TMEM132D: variants seen among roughly 807,000 people sequenced by gnomAD.
The protein encoded by TMEM132D is transmembrane protein 132D.
In TMEM132D, 21 loss-of-function variants were observed where a neutral mutation model predicts 62.3. That is an observed-to-expected ratio of 0.34 (90% CI 0.24 to 0.49). TMEM132D has a LOEUF of 0.49. TMEM132D is among the 20% of genes least tolerant of loss of function. The pLI is 0.99. For synonymous variants in TMEM132D, 621 were observed against 575.6 expected, an observed-to-expected ratio of 1.08 and a Z score of -1.13; for missense variants, 1,346 against 1,402.8, an observed-to-expected ratio of 0.96 and a Z score of 0.65.
At chr12:129,740,266 A>G (rs1229200277) in intron 1 of TMEM132D, among the ~76,000 whole-genome samples, 1 of 152,204 alleles carries the variant, frequency 6.6e-6, no homozygotes, top group East Asian at 1.9e-4. Flanking sequence ...AAAAGTGCAG[A>G]ATAATTTTGT....
At chr12:129,524,412 G>A (rs1454369472) in intron 3 of TMEM132D, among the ~76,000 whole-genome samples, 2 of 151,996 alleles carry the variant, frequency 1.3e-5, no homozygotes, top group Non-Finnish European at 2.9e-5. Context: ...TTTTCTCCCC[G>A]TTCAACATTA....
intron 2 of TMEM132D, among the ~76,000 whole-genome samples, chr12:129,679,492 C>T (rs1880726835): frequency 6.6e-6 from 1 of 152,058 alleles, no homozygotes; most frequent in African/African-American, 2.4e-5. Context: ...ATTCTCAGCT[C>T]CAAGGTCAGA....
chr12:129,412,927 C>A (rs1872010463), intron 3 of TMEM132D, among the ~76,000 whole-genome samples: 1 of 152,140 alleles, frequency 6.6e-6, no homozygotes, highest in African/African-American at 2.4e-5. Context: ...CAGAGCCAAC[C>A]TCCAATGACA....
chr12:129,584,072 T>C (rs933787524), intron 2 of TMEM132D, among the ~76,000 whole-genome samples: 3 of 152,166 alleles, frequency 2.0e-5, no homozygotes, highest in Non-Finnish European at 4.4e-5. Flanking sequence ...CACTGTGTAG[T>C]AATAGAAAGA....
chr12:129,551,493 T>A (rs930645974), intron 2 of TMEM132D, among the ~76,000 whole-genome samples: 1 of 152,226 alleles, frequency 6.6e-6, no homozygotes, highest in African/African-American at 2.4e-5. Flanking sequence ...ATTTTGATCA[T>A]CTGAGCCAAT....
intron 3 of TMEM132D, among the ~76,000 whole-genome samples, chr12:129,437,685 C>T (rs1456580227): frequency 6.6e-6 from 1 of 152,018 alleles, no homozygotes; most frequent in East Asian, 1.9e-4. Context: ...AGGATACAGA[C>T]ATTCCATTCC....
At position 129,693,720 on chromosome 12, in the gene TMEM132D, T is replaced by C. The variant is rs76216417; in HGVS notation, c.968+6090A>G. Among the ~76,000 whole-genome samples, 130 of 152,268 alleles carry C rather than the reference T, an allele frequency of 8.5e-4. 2 individuals carry two copies. In the East Asian group the frequency reaches 0.022, roughly 25 times the overall value. ...CACTCTTCAGTAGGGAAATTTCCCCTGTAGAGAGCATGCGTATTTTGACTT... is the reference window on the plus strand; with the variant it reads ...CACTCTTCAGTAGGGAAATTTCCCCCGTAGAGAGCATGCGTATTTTGACTT... On this transcript the variant is annotated intron_variant, in intron 2 of 8. Coordinates refer to ENST00000422113, the MANE Select transcript of TMEM132D (RefSeq NM_133448.3).
At chr12:129,852,253 C>T (rs543464680) in intron 1 of TMEM132D, 4 of 152,282 alleles carry the variant, frequency 2.6e-5, no homozygotes, top group Admixed American at 6.5e-5. Context: ...CATAGAAATA[C>T]ACAACCAAGG....
rs866181362 is a variant in TMEM132D at position 129,093,864 on chromosome 12, C to T, written c.1444-9162G>A. 1.8e-3 allele frequency among the ~76,000 whole-genome samples: 129 copies of T among 70,976 alleles called. 2 individuals are homozygous for T. In the Middle Eastern group the frequency reaches 0.023, roughly 13 times the overall value. 46.6% of individuals were successfully genotyped at this position (70,976 alleles called of 152,430 possible). A position where few individuals can be genotyped will look rare whatever the true frequency, so the allele number is the denominator to read the frequency against. On this transcript the variant is annotated intron_variant, in intron 5 of 8. Transcript: ENST00000422113. ...TAGACCAATGGAACAGAACAGAGCC[C>T]TCAGAAATGCCGCATATCTACAACT...
intron 3 of TMEM132D, among the ~76,000 whole-genome samples, chr12:129,378,856 A>C (rs141293550): frequency 2.0e-5 from 3 of 152,154 alleles, no homozygotes; most frequent in Non-Finnish European, 4.4e-5. Context: ...TGACGGTGTA[A>C]ATTTTGAAAT....
chr12:129,810,190 A>G (rs540736202), intron 1 of TMEM132D, among the ~76,000 whole-genome samples: 4 of 152,334 alleles, frequency 2.6e-5, no homozygotes, highest in Non-Finnish European at 5.9e-5. Flanking sequence ...AGCACTCAGC[A>G]TTGGAAGTTA....
chr12:129,820,111 T>C (rs1404271024), intron 1 of TMEM132D, among the ~76,000 whole-genome samples: 2 of 152,194 alleles, frequency 1.3e-5, no homozygotes, highest in African/African-American at 2.4e-5. Context: ...ACCTTCCGCA[T>C]GGAAGTTCTC....
chr12:129,290,209 TG>T (rs1881412184), intron 4 of TMEM132D, among the ~76,000 whole-genome samples: 1 of 152,132 alleles, frequency 6.6e-6, no homozygotes, highest in African/African-American at 2.4e-5. Flanking sequence ...CTCACCTCTT[TG>T]TTACCCTTCC....
At chr12:129,711,931 AGT>A (rs1868383738) in intron 1 of TMEM132D, among the ~76,000 whole-genome samples, 2 of 151,538 alleles carry the variant, frequency 1.3e-5, no homozygotes, top group Middle Eastern at 3.2e-3. Context: ...TTGTGCTAAA[AGT>A]GAGAGAAGTC....
chr12:129,435,546 T>C (rs1872766067), intron 3 of TMEM132D, among the ~76,000 whole-genome samples: 1 of 152,196 alleles, frequency 6.6e-6, no homozygotes, highest in Non-Finnish European at 1.5e-5. Context: ...GTGGTTTTGA[T>C]TGGCATTGCC....
At chr12:129,173,930 A>G (rs1212097490) in intron 5 of TMEM132D, among the ~76,000 whole-genome samples, 1 of 152,158 alleles carries the variant, frequency 6.6e-6, no homozygotes, top group Non-Finnish European at 1.5e-5. Flanking sequence ...GAAGAGAGAC[A>G]CGAATATCTC....
At position 129,261,793 on chromosome 12, in the gene TMEM132D, C is replaced by T. The variant is rs112925547; in HGVS notation, c.1300-52130G>A. 1.6e-3 allele frequency among the ~76,000 whole-genome samples: 245 copies of T among 152,234 alleles called. 2 individuals carry two copies. Among genetic ancestry groups the T allele is most frequent in the African/African-American group, 5.8e-3 (239 of 41,550 alleles). ...GGACACCAAGCATATTGGATTAGGG[C>T]ATGCCAGTATGACCTCATTTAAGTT... On this transcript the variant is annotated intron_variant, in intron 4 of 8. Coordinates refer to ENST00000422113, the MANE Select transcript of TMEM132D (RefSeq NM_133448.3).
At chr12:129,679,290 T>C (rs1285567101) in intron 2 of TMEM132D, among the ~76,000 whole-genome samples, 1 of 152,086 alleles carries the variant, frequency 6.6e-6, no homozygotes, top group Non-Finnish European at 1.5e-5. Flanking sequence ...ATTAGCAAAT[T>C]ATTTATTTTT....
rs748515321 is a variant in TMEM132D, at chr12:129,082,019, T to C, written c.1663A>G (p.Ser555Gly). 1.2e-6 allele frequency: 2 copies of C among 1,605,792 alleles called. No individual in the cohort carries two copies. The highest frequency in any genetic ancestry group is 2.2e-5 in the East Asian group (1 of 44,656). The change falls in exon 7 of 9, where the codon AGT (serine) becomes GGT (glycine). Residue 555 changes from serine to glycine, a missense_variant. Transcript: ENST00000422113. Reference protein sequence around the residue: ...IVSSRRPAGDSEEEEDDERRG... With the variant: ...IVSSRRPAGDGEEEEDDERRG... Reference sequence around the variant, plus strand: ...CGCTCATCATCCTCCTCCTCTTCACTGTCCCCGGCAGGCCTGTGAAAGAAG... The same window carrying C: ...CGCTCATCATCCTCCTCCTCTTCACCGTCCCCGGCAGGCCTGTGAAAGAAG...
Sources: allele counts gnomAD v4.1 joint callset (sites outside exome capture counted in the v4.1 genomes callset), GRCh38; gene constraint gnomAD v4.1.1; transcripts MANE v1.5; gene names NCBI Gene and HGNC (gene_info 2026-07-23, HGNC 2026-07-21).